Variants in POLB observed in about 807,000 individuals in gnomAD.
POLB encodes the protein 5'-dRP lyase.
POLB carries 37 observed loss-of-function variants against 52.7 expected under a neutral mutation model. The observed-to-expected ratio is 0.70, with a 90% CI of 0.54 to 0.92. The LOEUF is 0.92. Among genes scored for constraint, POLB ranks in the 40% least tolerant of loss-of-function variants. The pLI, the probability that POLB is intolerant of heterozygous loss-of-function variation, is 0.00. For synonymous variants in POLB, 138 were observed against 131.3 expected (o/e 1.05, Z -0.35); for missense variants, 313 against 400.8 (o/e 0.78, Z 1.87).
intron 3 of POLB, among the ~76,000 whole-genome samples, chr8:42,348,452 T>C (rs1433632202): frequency 1.3e-5 from 2 of 152,230 alleles, no homozygotes; most frequent in Non-Finnish European, 2.9e-5. Context: ...CATGTTGGAA[T>C]GTGCAGTTCC....
chr8:42,352,876 A>G (rs1823059332), intron 6 of POLB, among the ~76,000 whole-genome samples: 2 of 152,022 alleles, frequency 1.3e-5, no homozygotes, highest in African/African-American at 4.8e-5. Context: ...GGGGTTCGAG[A>G]CCAGTCTGGC....
intron 11 of POLB, among the ~76,000 whole-genome samples, chr8:42,366,104 GAAA>G (rs113409823): frequency 7.1e-6 from 1 of 141,138 alleles, no homozygotes; most frequent in Non-Finnish European, 1.6e-5. Context: ...CCTCCCAAAG[GAAA>G]AAAAAAAAAG....
chr8:42,369,520 A>T (rs1824248203), intron 12 of POLB, 185 bp downstream of exon 12: 1 of 522,636 alleles, frequency 1.9e-6, no homozygotes, highest in Non-Finnish European at 3.4e-6. Flanking sequence ...CTGTCTACAG[A>T]CTCCAATTTA....
chr8:42,358,502 C>CAA (rs112102844), intron 9 of POLB, among the ~76,000 whole-genome samples: 1 of 146,214 alleles, frequency 6.8e-6, no homozygotes, highest in African/African-American at 2.5e-5. Context: ...ACTCCATCTC[C>CAA]AAAAAAAAAA....
chr8:42,348,108 T>C (rs1353504830), intron 3 of POLB, among the ~76,000 whole-genome samples: 3 of 152,234 alleles, frequency 2.0e-5, no homozygotes, highest in African/African-American at 7.2e-5. Context: ...TTACAGCCTT[T>C]CTGAAGGCTG....
chr8:42,344,109 CGA>C (rs1822437624), intron 2 of POLB, among the ~76,000 whole-genome samples: 1 of 118,788 alleles, frequency 8.4e-6, no homozygotes, highest in Non-Finnish European at 1.6e-5. Context: ...CCAGACTGGG[CGA>C]CAGACTGGGC....
At chr8:42,365,562 C>G (rs990716368) in intron 11 of POLB, among the ~76,000 whole-genome samples, 3 of 152,168 alleles carry the variant, frequency 2.0e-5, no homozygotes, top group Non-Finnish European at 4.4e-5. Context: ...TATCTTGCTA[C>G]GTCTGGGCAT....
chr8:42,352,087 A>T (rs554422590), intron 5 of POLB, among the ~76,000 whole-genome samples: 1 of 152,328 alleles, frequency 6.6e-6, no homozygotes, highest in South Asian at 2.1e-4. Flanking sequence ...GGACCCAGCC[A>T]TTCTGTCATA....
At chr8:42,342,057 G>A (rs1240765329) in intron 2 of POLB, 45 of 871,236 alleles carry the variant, frequency 5.2e-5, no homozygotes, top group Non-Finnish European at 8.4e-5. Flanking sequence ...CCTATGTTGT[G>A]CTTCTGGTGT....
chr8:42,358,637 G>T (rs1334767997), intron 9 of POLB, among the ~76,000 whole-genome samples: 1 of 152,212 alleles, frequency 6.6e-6, no homozygotes, highest in Non-Finnish European at 1.5e-5. Flanking sequence ...CTAGGAAGTA[G>T]GTGATGGCCT....
chr8:42,339,049 C>T lies in POLB; in HGVS notation c.99C>T (p.Ile33=). 1.2e-6 allele frequency: 2 copies of T among 1,613,704 alleles called. No individual in the cohort carries two copies. Among genetic ancestry groups the T allele is most frequent in the African/African-American group, 1.3e-5 (1 of 75,020 alleles). Residue 33 remains isoleucine, a synonymous_variant, in exon 2 of 14, where the codon ATC becomes ATT. Coordinates refer to ENST00000265421, the MANE Select transcript of POLB (RefSeq NM_002690.3). The part of the protein sequence containing the change: ...ANFEKNVSQA[I]HKYNAYRKAA... ...TTGAGAAGAACGTGAGCCAAGCTATCCACAAGTACAATGCTTACAGGTGGG... is the reference window on the plus strand; with the variant it reads ...TTGAGAAGAACGTGAGCCAAGCTATTCACAAGTACAATGCTTACAGGTGGG...
intron 13 of POLB, 126 bp from the exon 14 acceptor site, chr8:42,371,437 A>G: frequency 2.5e-6 from 1 of 403,218 alleles, no homozygotes; most frequent in Non-Finnish European, 4.5e-6. Context: ...TTTTTTTTTT[A>G]GTGACTTGGT....
chr8:42,357,265 T>A (rs1192359847), intron 8 of POLB, 42 bp downstream of exon 8: 1 of 1,416,878 alleles, frequency 7.1e-7, no homozygotes, highest in African/African-American at 1.4e-5. Flanking sequence ...GAATTGAGAG[T>A]GTCACTTGGT....
chr8:42,369,661 C>T, intron 12 of POLB, 188 bp from the exon 13 acceptor site: 2 of 522,742 alleles, frequency 3.8e-6, no homozygotes, highest in Non-Finnish European at 3.4e-6. Context: ...ACAAAGTTCA[C>T]AGAAACCTAA....
Position 42,357,172 on chromosome 8 carries a change from T to A in POLB, c.426T>A (p.Tyr142Ter). ...TCTACTTATTCTGTCTTTATAGATATTTTGGGGACTTTGAAAAAAGAATTC... is the reference window on the plus strand; with the variant it reads ...TCTACTTATTCTGTCTTTATAGATAATTTGGGGACTTTGAAAAAAGAATTC... ...LNHHQRIGLK[Y>*]FGDFEKRIPR... is the part of the protein sequence containing the mutation. Residue 142 changes from tyrosine to a stop codon, truncating the protein, a stop_gained, in exon 8 of 14, where the codon TAT becomes TAA. Coordinates refer to ENST00000265421, the MANE Select transcript of POLB (RefSeq NM_002690.3). LOFTEE classifies it high-confidence loss of function. 6.6e-7 allele frequency: 1 copy of A among 1,513,976 alleles called. No individual in the cohort carries two copies. Among genetic ancestry groups the A allele is most frequent in the Non-Finnish European group, 9.2e-7 (1 of 1,090,906 alleles). The allele number at this position is 1,513,976 out of a possible 1,614,324, so 93.8% of individuals were successfully genotyped here. A position where few individuals can be genotyped will look rare whatever the true frequency, so the allele number is the denominator to read the frequency against.
chr8:42,344,912 A>T (rs780891094), intron 2 of POLB, 41 bp from the exon 3 acceptor site: 1 of 1,249,978 alleles, frequency 8.0e-7, no homozygotes, highest in East Asian at 2.3e-5. Context: ...TAAGGCCTTG[A>T]TGGATTTCTA....
At chr8:42,369,712 T>A (rs1824260169) in intron 12 of POLB, 137 bp from the exon 13 acceptor site, 2 of 586,002 alleles carry the variant, frequency 3.4e-6, no homozygotes, top group South Asian at 5.0e-5. Flanking sequence ...GTCTACCTCA[T>A]GATAGTCTTC....
chr8:42,369,848 G>A lies in POLB; in HGVS notation c.774-1G>A, dbSNP rs1824267813. 6.4e-7 allele frequency: 1 copy of A among 1,568,644 alleles called. No homozygotes were observed. ...ATGTATCTACTGTCCATTTTTTTTA[G>A]GTTGATACCCAAAGATCAGTATTAC... On this transcript the variant is annotated splice_acceptor_variant, in intron 12 of 13. Coordinates refer to ENST00000265421, the MANE Select transcript of POLB (RefSeq NM_002690.3). LOFTEE classifies it high-confidence loss of function.
chr8:42,342,144 C>T, intron 2 of POLB: 1 of 1,494,460 alleles, frequency 6.7e-7, no homozygotes. Flanking sequence ...GACAAGCCTC[C>T]ATCCAGGTCA....
Sources: allele counts gnomAD v4.1 joint callset (sites outside exome capture counted in the v4.1 genomes callset), GRCh38; gene constraint gnomAD v4.1.1; transcripts MANE v1.5; gene names NCBI Gene and HGNC (gene_info 2026-07-23, HGNC 2026-07-21).